Variants in LRRK2 observed in about 807,000 individuals in gnomAD.
LRRK2 encodes the protein leucine rich repeat kinase 2, also known as leucine-rich repeat serine/threonine-protein kinase 2.
LRRK2 carries 203 observed loss-of-function variants against 302.6 expected under a neutral mutation model. That is an observed-to-expected ratio of 0.67 (90% CI 0.60 to 0.75). The LOEUF (loss-of-function observed/expected upper bound fraction) is 0.75. Among genes scored for constraint, LRRK2 ranks in the 30% least tolerant of loss-of-function variants. The pLI, the probability that LRRK2 is intolerant of heterozygous loss-of-function variation, is 0.00. For synonymous variants in LRRK2, 1,066 were observed against 1,031.9 expected, an observed-to-expected ratio of 1.03 and a Z score of -0.63; for missense variants, 2,830 against 2,951.0, an observed-to-expected ratio of 0.96 and a Z score of 0.95.
At chr12:40,315,379 T>C (rs1299433649) in intron 33 of LRRK2, 79 bp downstream of exon 33, 1 of 1,246,320 alleles carries the variant, frequency 8.0e-7, no homozygotes, top group Non-Finnish European at 1.2e-6. Flanking sequence ...TTGAGCATTT[T>C]AGAATTTGGG....
At position 40,309,217 on chromosome 12, in the gene LRRK2, G is replaced by A. The variant is rs778327554; in HGVS notation, c.4301G>A (p.Trp1434Ter). ...GCTGAAGTTGATGCCATGAAGCCTT[G>A]GCTCTTCAATATAAAGGTGATTTGT... ...GQAEVDAMKP[W>*]LFNIKARASS... Residue 1434 changes from tryptophan to a stop codon, truncating the protein, a stop_gained, in exon 30 of 51, where the codon TGG becomes TAG. Coordinates refer to ENST00000298910, the MANE Select transcript of LRRK2 (RefSeq NM_198578.4). LOFTEE classifies it high-confidence loss of function. The A allele has an allele frequency of 2.5e-6, 4 of 1,613,620 alleles. No homozygotes were observed.
intron 32 of LRRK2, 33 bp downstream of exon 32, chr12:40,314,206 C>T (rs763501419): frequency 6.3e-7 from 1 of 1,579,716 alleles, no homozygotes; most frequent in Non-Finnish European, 8.7e-7. Flanking sequence ...TTTCAAAGCT[C>T]AGCTGTAGTA....
intron 18 of LRRK2, among the ~76,000 whole-genome samples, chr12:40,279,088 G>GAGTTTAT (rs1943578473): frequency 6.6e-6 from 1 of 151,110 alleles, no homozygotes; most frequent in Admixed American, 6.6e-5. Flanking sequence ...ATAAGTGTTA[G>GAGTTTAT]AGTTTATACT....
chr12:40,302,325 A>G (rs890424779), intron 25 of LRRK2, among the ~76,000 whole-genome samples: 7 of 152,152 alleles, frequency 4.6e-5, no homozygotes, highest in Non-Finnish European at 8.8e-5. Context: ...TTATTAAATA[A>G]CACCCATTAT....
intron 39 of LRRK2, among the ~76,000 whole-genome samples, chr12:40,334,158 A>C (rs542312867): frequency 2.0e-5 from 3 of 152,336 alleles, no homozygotes; most frequent in South Asian, 2.1e-4. Context: ...GCAGCTGATT[A>C]GTAGTGGCTA....
At chr12:40,268,856 T>C (rs186038939) in intron 14 of LRRK2, among the ~76,000 whole-genome samples, 447 of 152,280 alleles carry the variant, frequency 2.9e-3, no homozygotes, top group Non-Finnish European at 4.9e-3. Flanking sequence ...TGTAATGTTA[T>C]GATATTCCTC....
chr12:40,363,599 T>C (rs754220433), intron 48 of LRRK2, 45 bp downstream of exon 48: 27 of 1,591,768 alleles, frequency 1.7e-5, no homozygotes, highest in South Asian at 7.8e-5. Flanking sequence ...GAATTATCTT[T>C]GCACTTCATG....
chr12:40,334,732 A>G (rs1448787207), intron 39 of LRRK2, among the ~76,000 whole-genome samples: 3 of 152,088 alleles, frequency 2.0e-5, no homozygotes, highest in Admixed American at 1.3e-4. Context: ...AAATTTATGT[A>G]TATGTGGACT....
chr12:40,251,044 A>G lies in LRRK2; in HGVS notation c.959-188A>G, dbSNP rs531784787. ...TACCTTCTTCCTCATTTTATTATTT[A>G]TCTGGATAGGATGGTAGCATTATGA... On this transcript the variant is annotated intron_variant, in intron 8 of 50. Coordinates refer to ENST00000298910, the MANE Select transcript of LRRK2 (RefSeq NM_198578.4). 5.9e-5 allele frequency among the ~76,000 whole-genome samples: 8 copies of G among 135,186 alleles called. No homozygotes were observed. The South Asian group carries it at 1.9e-3, about 31-fold the overall frequency. The allele number at this position is 135,186 out of a possible 152,430, so 88.7% of individuals were successfully genotyped here.
At chr12:40,351,769 A>C in intron 44 of LRRK2, 36 bp downstream of exon 44, 1 of 1,594,074 alleles carries the variant, frequency 6.3e-7, no homozygotes, top group East Asian at 2.2e-5. Context: ...TTCATAATTT[A>C]AAGCATATAC....
chr12:40,327,339 A>C (rs958696441), intron 38 of LRRK2, among the ~76,000 whole-genome samples: 1 of 152,216 alleles, frequency 6.6e-6, no homozygotes, highest in Admixed American at 6.5e-5. Context: ...TTACCTGCTC[A>C]TTACTAATTC....
At chr12:40,241,300 A>G (rs182600448) in intron 6 of LRRK2, among the ~76,000 whole-genome samples, 3 of 152,352 alleles carry the variant, frequency 2.0e-5, no homozygotes, top group Non-Finnish European at 2.9e-5. Context: ...CTAAAAAGCC[A>G]CATGAAGGAG....
At chr12:40,255,624 C>T (rs975893071) in intron 11 of LRRK2, among the ~76,000 whole-genome samples, 2 of 152,068 alleles carry the variant, frequency 1.3e-5, no homozygotes, top group Non-Finnish European at 2.9e-5. Flanking sequence ...TTCAAGGACC[C>T]CATACAGACC....
intron 39 of LRRK2, among the ~76,000 whole-genome samples, chr12:40,330,153 A>G (rs1187895954): frequency 6.6e-6 from 1 of 151,922 alleles, no homozygotes; most frequent in Non-Finnish European, 1.5e-5. Flanking sequence ...TCTTGGTTGG[A>G]TTGTCCTTAG....
chr12:40,352,935 C>T (rs948705574), intron 44 of LRRK2, among the ~76,000 whole-genome samples: 10 of 152,274 alleles, frequency 6.6e-5, no homozygotes, highest in South Asian at 6.2e-4. Flanking sequence ...TCGACAAAAC[C>T]GCCAACGTCA....
At chr12:40,252,117 G>C (rs942482141) in intron 10 of LRRK2, among the ~76,000 whole-genome samples, 1 of 152,260 alleles carries the variant, frequency 6.6e-6, no homozygotes, top group Admixed American at 6.5e-5. Flanking sequence ...GGAGTTTTGT[G>C]CATATCAGGT....
chr12:40,273,112 A>T (rs1226003686), intron 14 of LRRK2, among the ~76,000 whole-genome samples: 1 of 152,198 alleles, frequency 6.6e-6, no homozygotes, highest in East Asian at 1.9e-4. Flanking sequence ...GGAAGCTGAG[A>T]CACACACCAA....
intron 24 of LRRK2, 123 bp from the exon 25 acceptor site, chr12:40,298,986 C>A: frequency 1.2e-6 from 1 of 811,288 alleles, no homozygotes; most frequent in Non-Finnish European, 1.8e-6. Flanking sequence ...ATTTTTACAA[C>A]TAATTTTTAA....
At chr12:40,361,589 A>G (rs1167611122) in intron 47 of LRRK2, among the ~76,000 whole-genome samples, 3 of 152,032 alleles carry the variant, frequency 2.0e-5, no homozygotes, top group Admixed American at 6.6e-5. Flanking sequence ...ATTTCATAGC[A>G]CATTTTATGG....
Sources: allele counts gnomAD v4.1 joint callset (sites outside exome capture counted in the v4.1 genomes callset), GRCh38; gene constraint gnomAD v4.1.1; transcripts MANE v1.5; gene names NCBI Gene and HGNC (gene_info 2026-07-23, HGNC 2026-07-21).